Variants in PHF20 observed in about 807,000 individuals in gnomAD.
PHF20 encodes the protein glioma-expressed antigen 2.
In PHF20, 23 loss-of-function variants were observed where a neutral mutation model predicts 113.5. The ratio of observed to expected loss-of-function variants is 0.20; its 90% CI spans 0.15 to 0.29. The LOEUF (loss-of-function observed/expected upper bound fraction) is 0.29. PHF20 is among the 10% of genes least tolerant of loss of function. The pLI is 1.00. For missense variants in PHF20, 943 were observed against 1,219.6 expected (o/e 0.77, Z 3.38); for synonymous variants, 434 against 457.3 (o/e 0.95, Z 0.65).
At chr20:35,792,478 C>T (rs531681897) in intron 1 of PHF20, among the ~76,000 whole-genome samples, 1 of 152,180 alleles carries the variant, frequency 6.6e-6, no homozygotes, top group East Asian at 1.9e-4. Flanking sequence ...CGTGAGCCAC[C>T]GTGCCTGGCT....
intron 9 of PHF20, among the ~76,000 whole-genome samples, chr20:35,893,549 C>G (rs2054917434): frequency 6.6e-6 from 1 of 152,096 alleles, no homozygotes; most frequent in African/African-American, 2.4e-5. Flanking sequence ...AGTGATTCAC[C>G]CACCTCGGTC....
At chr20:35,864,736 C>T (rs1002766693) in intron 6 of PHF20, among the ~76,000 whole-genome samples, 2 of 152,022 alleles carry the variant, frequency 1.3e-5, no homozygotes, top group Non-Finnish European at 2.9e-5. Context: ...TGTCTGTAGG[C>T]CTAAATAGGG....
At chr20:35,843,855 G>C (rs984997387) in intron 3 of PHF20, among the ~76,000 whole-genome samples, 1 of 152,082 alleles carries the variant, frequency 6.6e-6, no homozygotes, top group African/African-American at 2.4e-5. Flanking sequence ...TAGGATTATA[G>C]GTGTAAGCTC....
intron 8 of PHF20, 31 bp downstream of exon 8, chr20:35,871,165 C>T: frequency 1.3e-6 from 2 of 1,537,030 alleles, no homozygotes; most frequent in Non-Finnish European, 1.8e-6. Context: ...ATTGTCTTGC[C>T]AACCTGGTTC....
intron 2 of PHF20, among the ~76,000 whole-genome samples, chr20:35,830,764 C>T (rs186652108): frequency 2.3e-4 from 34 of 150,256 alleles, no homozygotes; most frequent in Admixed American, 1.8e-3. Context: ...GGTACATGTG[C>T]AAGATTTGCA....
At chr20:35,788,457 C>T (rs1333675198) in intron 1 of PHF20, among the ~76,000 whole-genome samples, 1 of 151,920 alleles carries the variant, frequency 6.6e-6, no homozygotes, top group East Asian at 1.9e-4. Context: ...GCTTCAAACT[C>T]CTGGCCTCAC....
Position 35,947,772 on chromosome 20 carries a change from T to C in PHF20, c.*145T>C. The C allele has an allele frequency of 1.2e-6, 1 of 851,250 alleles. No homozygotes were observed. The highest frequency in any genetic ancestry group is 1.8e-6 in the Non-Finnish European group (1 of 565,368). 52.7% of individuals were successfully genotyped at this position (851,250 alleles called of 1,614,324 possible). ...TCTGGGCCAGGAGTGTGGTGGACAT[T>C]GGACAAAGAGGCCATTTTGGCTGCG... On this transcript the variant is annotated 3_prime_UTR_variant, in exon 18 of 18. Transcript: ENST00000374012.
chr20:35,850,295 C>CGTTTTTTTTT (rs2042696043), intron 4 of PHF20, among the ~76,000 whole-genome samples: 1 of 101,682 alleles, frequency 9.8e-6, no homozygotes, highest in Non-Finnish European at 2.1e-5. Context: ...CTTCCCCCTC[C>CGTTTTTTTTT]GTTTTTTTTT....
chr20:35,895,761 CT>C (rs1288499530), intron 9 of PHF20, among the ~76,000 whole-genome samples: 1 of 146,100 alleles, frequency 6.8e-6, no homozygotes, highest in African/African-American at 2.5e-5. Flanking sequence ...ATCTCAGCTA[CT>C]GCAACCTTCG....
chr20:35,843,866 G>A (rs117862489), intron 3 of PHF20, among the ~76,000 whole-genome samples: 2,815 of 152,196 alleles, frequency 0.018, 43 homozygotes, highest in South Asian at 0.034. Flanking sequence ...GTGTAAGCTC[G>A]TCCTGCAGAG....
chr20:35,789,229 T>C (rs2146843429), intron 1 of PHF20, among the ~76,000 whole-genome samples: 1 of 152,142 alleles, frequency 6.6e-6, no homozygotes, highest in African/African-American at 2.4e-5. Context: ...GAGACCACCC[T>C]GGCCAACATG....
In PHF20 at chr20:35,857,562, C is replaced by CTTTTTTTTTTTTTTTTTTTTTTTT. The variant is rs56655276; in HGVS notation, c.341-739_341-716dup. On this transcript the variant is annotated intron_variant, in intron 4 of 17. Transcript: ENST00000374012. ...CAATACCTTTAGCTGAATGATGTTC[C>CTTTTTTTTTTTTTTTTTTTTTTTT]TTTTTTTTTTTTTTTTTTTTTTTTG... Among the ~76,000 whole-genome samples the CTTTTTTTTTTTTTTTTTTTTTTTT allele has an allele frequency of 5.0e-5, 5 of 99,674 alleles. 1 individual carries two copies. The highest frequency in any genetic ancestry group is 4.1e-4 in the South Asian group (1 of 2,432). 65.4% of individuals were successfully genotyped at this position (99,674 alleles called of 152,430 possible). A position where few individuals can be genotyped will look rare whatever the true frequency, so the allele number is the denominator to read the frequency against.
At chr20:35,791,642 CAG>C (rs746173754) in intron 1 of PHF20, among the ~76,000 whole-genome samples, 5 of 149,850 alleles carry the variant, frequency 3.3e-5, no homozygotes, top group African/African-American at 7.4e-5. Context: ...TCTCATGAGA[CAG>C]TATTGATTTG....
chr20:35,795,836 T>C, intron 1 of PHF20, among the ~76,000 whole-genome samples: 1 of 152,128 alleles, frequency 6.6e-6, no homozygotes, highest in East Asian at 1.9e-4. Context: ...AATTGGTTAA[T>C]ATATGTAAGT....
chr20:35,906,621 G>A (rs537807033), intron 10 of PHF20, among the ~76,000 whole-genome samples: 1 of 152,292 alleles, frequency 6.6e-6, no homozygotes, highest in East Asian at 1.9e-4. Context: ...TGTCCAAAAT[G>A]GCTCCCTGCC....
Position 35,914,163 on chromosome 20 carries a change from A to G in PHF20, c.1791A>G (p.Glu597=). The change falls in exon 12 of 18, where the codon GAA becomes GAG. Residue 597 remains glutamate, a synonymous_variant. Coordinates refer to ENST00000374012, the MANE Select transcript of PHF20 (RefSeq NM_016436.5). ...VHMSPQLHGP[E]SGHHKGKVKA... ...TGAGCCCGCAGCTTCATGGCCCAGAATCTGGACACCACAAAGGGAAAGTGA... is the reference window on the plus strand; with the variant it reads ...TGAGCCCGCAGCTTCATGGCCCAGAGTCTGGACACCACAAAGGGAAAGTGA... The G allele has an allele frequency of 6.2e-7, 1 of 1,614,180 alleles. No individual in the cohort carries two copies. Among genetic ancestry groups the G allele is most frequent in the Non-Finnish European group, 8.5e-7 (1 of 1,180,042 alleles).
At position 35,917,565 on chromosome 20, in the gene PHF20, C is replaced by T. The variant is rs760979969; in HGVS notation, c.1907C>T (p.Thr636Ile). The T allele has an allele frequency of 1.2e-6, 2 of 1,613,948 alleles. No homozygotes were observed. Among genetic ancestry groups the T allele is most frequent in the African/African-American group, 1.3e-5 (1 of 74,910 alleles). Residue 636 changes from threonine to isoleucine, a missense_variant, in exon 13 of 18, where the codon ACC (threonine) becomes ATC (isoleucine). Coordinates refer to ENST00000374012, the MANE Select transcript of PHF20 (RefSeq NM_016436.5). ...DEYGQDVDVT[T>I]NPDEELDGDD... ...TATGGCCAAGATGTGGATGTGACCA[C>T]CAACCCAGATGAGGAACTTGATGGG...
intron 4 of PHF20, among the ~76,000 whole-genome samples, chr20:35,847,696 C>G (rs1207479686): frequency 2.0e-5 from 3 of 152,140 alleles, no homozygotes; most frequent in Non-Finnish European, 2.9e-5. Flanking sequence ...GTCACTCTGC[C>G]TGGAAGTATG....
At chr20:35,897,978 C>T (rs1238511719) in intron 9 of PHF20, among the ~76,000 whole-genome samples, 8 of 151,876 alleles carry the variant, frequency 5.3e-5, no homozygotes, top group Non-Finnish European at 8.8e-5. Flanking sequence ...CAGGTTCAAG[C>T]GATTCTTCTG....
Sources: allele counts gnomAD v4.1 joint callset (sites outside exome capture counted in the v4.1 genomes callset), GRCh38; gene constraint gnomAD v4.1.1; transcripts MANE v1.5; gene names NCBI Gene and HGNC (gene_info 2026-07-23, HGNC 2026-07-21).